CTNND1: variants seen among roughly 807,000 people sequenced by gnomAD.
CTNND1 encodes catenin delta 1.
In CTNND1, 16 loss-of-function variants were observed where a neutral mutation model predicts 112.1. That is an observed-to-expected ratio of 0.14 (90% CI 0.10 to 0.22). The LOEUF is 0.22. Among genes scored for constraint, CTNND1 ranks in the 10% least tolerant of loss-of-function variants. The pLI, the probability that CTNND1 is intolerant of heterozygous loss-of-function variation, is 1.00. For missense variants in CTNND1, 1,008 were observed against 1,257.0 expected, an observed-to-expected ratio of 0.80 and a Z score of 3.00; for synonymous variants, 420 against 446.5, an observed-to-expected ratio of 0.94 and a Z score of 0.75.
At chr11:57,814,152 A>G in intron 17 of CTNND1, 159 bp from the exon 18 acceptor site, 1 of 611,526 alleles carries the variant, frequency 1.6e-6, no homozygotes, top group Non-Finnish European at 3.0e-6. Flanking sequence ...TCATCTCTAC[A>G]AAAAGCTTAA....
Position 57,788,898 on chromosome 11 carries a change from G to C in CTNND1, c.-213-139G>C, listed in dbSNP as rs2060406759. 2.9e-6 allele frequency: 2 copies of C among 691,644 alleles called. No homozygotes were observed. Among genetic ancestry groups the C allele is most frequent in the Non-Finnish European group, 2.5e-6 (1 of 396,922 alleles). The allele number at this position is 691,644 out of a possible 1,614,324, so 42.8% of individuals were successfully genotyped here. A position where few individuals can be genotyped will look rare whatever the true frequency, so the allele number is the denominator to read the frequency against. ...ACACAACAAGGTCTAAAGGGCACTT[G>C]TCACATTAAGCAATTCCAAGTCATA... is the stretch of plus-strand genomic sequence containing the variant. On this transcript the variant is annotated intron_variant, in intron 1 of 20. Transcript: ENST00000399050. The surrounding 1 kb of genome is among the most constrained non-coding windows in gnomAD (Gnocchi z 4.1).
intron 20 of CTNND1, 34 bp downstream of exon 20, chr11:57,816,035 G>C: frequency 6.6e-7 from 1 of 1,520,398 alleles, no homozygotes; most frequent in Non-Finnish European, 8.8e-7. Flanking sequence ...GATTGTTCTT[G>C]AGGAAGGAGG....
chr11:57,806,789 C>T, intron 11 of CTNND1, 126 bp from the exon 12 acceptor site: 2 of 790,170 alleles, frequency 2.5e-6, no homozygotes, highest in Non-Finnish European at 4.2e-6. Flanking sequence ...CCTCACCTGC[C>T]CCTTTTCCCC....
intron 1 of CTNND1, among the ~76,000 whole-genome samples, chr11:57,773,548 T>C (rs1591214412): frequency 1.3e-5 from 2 of 149,750 alleles, no homozygotes; most frequent in Non-Finnish European, 3.0e-5. Flanking sequence ...ACCTCCTGGG[T>C]TCAAGTGATT....
intron 1 of CTNND1, among the ~76,000 whole-genome samples, chr11:57,772,855 C>G (rs1953044434): frequency 6.6e-6 from 1 of 152,032 alleles, no homozygotes; most frequent in African/African-American, 2.4e-5. Context: ...CCCTCTTTCT[C>G]TCTCTTTCTC....
chr11:57,806,447 T>A lies in CTNND1; in HGVS notation c.1877-14T>A, dbSNP rs759770252. 1 of 1,600,054 alleles carries A rather than the reference T, an allele frequency of 6.2e-7. No homozygotes were observed. Among genetic ancestry groups the A allele is most frequent in the Non-Finnish European group, 8.5e-7 (1 of 1,172,032 alleles). On this transcript the variant is annotated splice_polypyrimidine_tract_variant and intron_variant, in intron 10 of 20. Coordinates refer to ENST00000399050, the MANE Select transcript of CTNND1 (RefSeq NM_001085458.2). Reference sequence around the variant, plus strand: ...TCTCTTCTCTGCTTTCTACCTTGGGTGATGCACTGGAAGATGAGTGGTTCT... The same window carrying A: ...TCTCTTCTCTGCTTTCTACCTTGGGAGATGCACTGGAAGATGAGTGGTTCT...
chr11:57,786,343 C>A (rs570994410), intron 1 of CTNND1, among the ~76,000 whole-genome samples: 1 of 152,016 alleles, frequency 6.6e-6, no homozygotes, highest in African/African-American at 2.4e-5. Flanking sequence ...ACCATCCTGG[C>A]TGACACGGTG....
In CTNND1 at chr11:57,796,714, T is replaced by A; in HGVS notation, c.678T>A (p.Asp226Glu). 6.2e-7 allele frequency: 1 copy of A among 1,614,020 alleles called. No homozygotes were observed. Among genetic ancestry groups the A allele is most frequent in the Non-Finnish European group, 8.5e-7 (1 of 1,179,892 alleles). ...HYEDGYPGGS[D>E]NYGSLSRVTR... ...AAGATGGTTATCCAGGTGGCAGTGA[T>A]AACTATGGCAGTCTGTCCCGGGTGA... Residue 226 changes from aspartate (D) to glutamate (E), a missense_variant, in exon 6 of 21, where the codon GAT becomes GAA. This residue lies in a region of CTNND1 where 404 missense variants were observed against 457.9 expected (regional missense o/e 0.88). Coordinates refer to ENST00000399050, the MANE Select transcript of CTNND1 (RefSeq NM_001085458.2).
intron 14 of CTNND1, 73 bp from the exon 15 acceptor site, chr11:57,809,201 C>A: frequency 9.6e-7 from 1 of 1,040,752 alleles, no homozygotes; most frequent in Non-Finnish European, 1.5e-6. Context: ...ATGATTAATG[C>A]AGTTAAGTAT....
In CTNND1 at chr11:57,796,474, G is replaced by T; in HGVS notation, c.438G>T (p.Lys146Asn). ...RTETTVKKVVKTVTTRTVQPV... is the reference protein window; with the variant it reads ...RTETTVKKVVNTVTTRTVQPV... Reference sequence around the variant, plus strand: ...ACTTGCAGGTCAAGAAAGTAGTGAAGACTGTGACAACACGGACAGTACAGC... The same window carrying T: ...ACTTGCAGGTCAAGAAAGTAGTGAATACTGTGACAACACGGACAGTACAGC... The change falls in exon 6 of 21, where the codon AAG (lysine) becomes AAT (asparagine). Residue 146 changes from lysine to asparagine, a missense_variant. Physicochemically the swap from Lys to Asn is moderately conservative, Grantham distance 94 (BLOSUM62 0). Coordinates refer to ENST00000399050, the MANE Select transcript of CTNND1 (RefSeq NM_001085458.2). The T allele has an allele frequency of 6.2e-7, 1 of 1,602,468 alleles. No individual in the cohort carries two copies. Among genetic ancestry groups the T allele is most frequent in the Non-Finnish European group, 8.5e-7 (1 of 1,172,128 alleles).
At chr11:57,811,566 A>G in intron 17 of CTNND1, 80 bp downstream of exon 17, 2 of 917,440 alleles carry the variant, frequency 2.2e-6, no homozygotes, top group Non-Finnish European at 1.7e-6. Context: ...TAGGATATAT[A>G]TTATTTCTGA....
rs192064781 is a variant in CTNND1 at position 57,810,577 on chromosome 11, G to A, written c.2550+354G>A. On this transcript the variant is annotated intron_variant, in intron 16 of 20. Coordinates refer to ENST00000399050, the MANE Select transcript of CTNND1 (RefSeq NM_001085458.2). Reference sequence around the variant, plus strand: ...ACTCTGAGCTTAGGCAACCTGCCTCGGCCTCCCAAAGTGCTAGGATTACAG... The same window carrying A: ...ACTCTGAGCTTAGGCAACCTGCCTCAGCCTCCCAAAGTGCTAGGATTACAG... Among the ~76,000 whole-genome samples the A allele has an allele frequency of 4.1e-4, 63 of 151,852 alleles. 1 individual carries two copies. The Middle Eastern group carries it at 0.01, about 25-fold the overall frequency.
rs2062965267 is a variant in CTNND1 at position 57,808,439 on chromosome 11, C to T, written c.2141C>T (p.Ala714Val). ...SALRQEKALS[A>V]IADLLTNEHE... is the part of the protein sequence containing the mutation. The stretch of plus-strand genomic sequence containing the variant: ...CTGCGTCAAGAGAAGGCTCTTTCTG[C>T]CATAGCTGACCTCCTGACTAATGAA... The change falls in exon 14 of 21, where the codon GCC becomes GTC. Residue 714 changes from alanine to valine, a missense_variant. By Grantham distance (64) the Ala-to-Val change is moderately conservative. Around this residue, in one of 5 missense-constraint regions of CTNND1, gnomAD observed 254 missense variants for 279.5 expected, o/e 0.91. Coordinates refer to ENST00000399050, the MANE Select transcript of CTNND1 (RefSeq NM_001085458.2). 2 of 1,612,222 alleles carry T rather than the reference C, an allele frequency of 1.2e-6. No homozygotes were observed. The highest frequency in any genetic ancestry group is 2.7e-5 in the African/African-American group (2 of 74,876).
intron 1 of CTNND1, among the ~76,000 whole-genome samples, chr11:57,768,875 G>A (rs1951814031): frequency 6.6e-6 from 1 of 151,958 alleles, no homozygotes; most frequent in East Asian, 1.9e-4. Flanking sequence ...AGAAACTTGC[G>A]GGTTTATTCC....
rs1241127644 is a variant in CTNND1 at position 57,791,414 on chromosome 11, TCTC to T, written c.-62_-60del. The T allele has an allele frequency of 3.6e-6, 5 of 1,389,618 alleles. No individual in the cohort carries two copies. Among genetic ancestry groups the T allele is most frequent in the Admixed American group, 3.5e-5 (1 of 28,970 alleles). The allele number at this position is 1,389,618 out of a possible 1,614,324, so 86.1% of individuals were successfully genotyped here. A position where few individuals can be genotyped will look rare whatever the true frequency, so the allele number is the denominator to read the frequency against. On this transcript the variant is annotated 5_prime_UTR_variant, in exon 3 of 21. Transcript: ENST00000399050. ...AAGTGAGGGGGTCTCTCTCCCTCCT[TCTC>T]CTTCCTCTGTGATTCACCTTCCTTT...
chr11:57,810,092 G>T lies in CTNND1; in HGVS notation c.2436-17G>T. On this transcript the variant is annotated splice_polypyrimidine_tract_variant and intron_variant, in intron 15 of 20. Transcript: ENST00000399050. Reference sequence around the variant, plus strand: ...ATTTTATATCCAAATTCCGTATGGTGTTACTTTCCTCCAAAGGAACCGCTC... The same window carrying T: ...ATTTTATATCCAAATTCCGTATGGTTTTACTTTCCTCCAAAGGAACCGCTC... The T allele has an allele frequency of 6.3e-7, 1 of 1,587,102 alleles. No homozygotes were observed. The highest frequency in any genetic ancestry group is 8.6e-7 in the Non-Finnish European group (1 of 1,163,084).
At chr11:57,779,471 C>T (rs2059346686) in intron 1 of CTNND1, among the ~76,000 whole-genome samples, 2 of 152,180 alleles carry the variant, frequency 1.3e-5, no homozygotes, top group Non-Finnish European at 2.9e-5. Context: ...ATGGCTGAGT[C>T]CTTAACTTTG....
intron 1 of CTNND1, among the ~76,000 whole-genome samples, chr11:57,764,747 C>CT (rs530089183): frequency 3.1e-4 from 47 of 152,258 alleles, no homozygotes; most frequent in African/African-American, 1.0e-3. Flanking sequence ...CCTGGTCTGA[C>CT]TAACTACAAA....
At chr11:57,803,569 A>C (rs2062283055) in intron 7 of CTNND1, 52 bp from the exon 8 acceptor site, 2 of 1,414,880 alleles carry the variant, frequency 1.4e-6, no homozygotes, top group East Asian at 2.4e-5. Context: ...GACGTTCTTC[A>C]GACATATTGT....
Sources: allele counts gnomAD v4.1 joint callset (sites outside exome capture counted in the v4.1 genomes callset), GRCh38; gene constraint gnomAD v4.1.1; regional missense constraint gnomAD v4.1.1; non-coding constraint Gnocchi (gnomAD v3.1); transcripts MANE v1.5; gene names NCBI Gene and HGNC (gene_info 2026-07-23, HGNC 2026-07-21).